Variants in CLVS1 observed in about 807,000 individuals in gnomAD.
CLVS1 encodes clavesin-1.
CLVS1 carries 10 observed loss-of-function variants against 33.1 expected under a neutral mutation model. The ratio of observed to expected loss-of-function variants is 0.30; its 90% confidence interval spans 0.19 to 0.51. CLVS1 has a LOEUF of 0.51. Among genes scored for constraint, CLVS1 ranks in the 20% least tolerant of loss-of-function variants. The pLI is 0.97. For synonymous variants in CLVS1, 163 were observed against 166.1 expected (o/e 0.98, Z 0.14); for missense variants, 343 against 433.4 (o/e 0.79, Z 1.85).
At chr8:61,041,373 T>C in the CLVS1 span, among the ~76,000 whole-genome samples, 1 of 152,136 alleles carries the variant, frequency 6.6e-6, no homozygotes, top group Non-Finnish European at 1.5e-5. Flanking sequence ...AAAAATGGTG[T>C]TAGTATCTTG....
At chr8:61,295,358 T>C (rs1810157318) in intron 1 of CLVS1, among the ~76,000 whole-genome samples, 1 of 152,186 alleles carries the variant, frequency 6.6e-6, no homozygotes, top group African/African-American at 2.4e-5. Context: ...CTTTGATCTG[T>C]CATTTCTGCC....
At chr8:61,372,114 G>A (rs1224362791) in intron 2 of CLVS1, among the ~76,000 whole-genome samples, 1 of 152,132 alleles carries the variant, frequency 6.6e-6, no homozygotes, top group Non-Finnish European at 1.5e-5. Flanking sequence ...CATTTGTCAT[G>A]TTAGTTCATT....
chr8:60,987,864 A>C, the CLVS1 span, among the ~76,000 whole-genome samples: 1 of 152,188 alleles, frequency 6.6e-6, no homozygotes, highest in African/African-American at 2.4e-5. Context: ...CAGGAGTTCA[A>C]GACTACAGTG....
chr8:60,981,095 T>C, the CLVS1 span, among the ~76,000 whole-genome samples: 4 of 152,154 alleles, frequency 2.6e-5, no homozygotes, highest in Non-Finnish European at 5.9e-5. Context: ...GATGCTGATG[T>C]TGAATTTAAG....
intron 5 of CLVS1, among the ~76,000 whole-genome samples, chr8:61,497,010 T>C (rs1257889381): frequency 6.6e-6 from 1 of 152,200 alleles, no homozygotes; most frequent in Non-Finnish European, 1.5e-5. Context: ...TCAATGTAAA[T>C]ACATGTTAAT....
At chr8:61,393,134 G>C (rs1289365177) in intron 3 of CLVS1, among the ~76,000 whole-genome samples, 1 of 151,828 alleles carries the variant, frequency 6.6e-6, no homozygotes, top group Non-Finnish European at 1.5e-5. Flanking sequence ...TGCCCACCTC[G>C]GCCTCCCAAA....
chr8:61,143,918 A>T (rs190444331), intron 2 of CLVS1, among the ~76,000 whole-genome samples: 22 of 149,842 alleles, frequency 1.5e-4, no homozygotes, highest in Non-Finnish European at 3.3e-4. Context: ...GCAAATTAAG[A>T]TGGAGAGATG....
At chr8:61,284,130 A>G (rs1253471290), upstream of CLVS1, among the ~76,000 whole-genome samples, 1 of 152,228 alleles carries the variant, frequency 6.6e-6, no homozygotes, top group Non-Finnish European at 1.5e-5. Context: ...AAAGAAAAAT[A>G]TCTCATGGTC....
the CLVS1 span, among the ~76,000 whole-genome samples, chr8:61,019,930 A>G: frequency 9.2e-5 from 14 of 152,168 alleles, no homozygotes; most frequent in Non-Finnish European, 1.9e-4. Context: ...CTTGCAGCCC[A>G]CTGTCATCTG....
At chr8:61,131,597 T>C (rs2129291268) in intron 1 of CLVS1, among the ~76,000 whole-genome samples, 1 of 152,140 alleles carries the variant, frequency 6.6e-6, no homozygotes, top group African/African-American at 2.4e-5. Context: ...CAAAACTTTG[T>C]TGCTGGCAGA....
intron 2 of CLVS1, among the ~76,000 whole-genome samples, chr8:61,140,068 G>C (rs76049498): frequency 1.6e-3 from 250 of 152,252 alleles, no homozygotes; most frequent in African/African-American, 5.6e-3. Flanking sequence ...AGTCCTTCTA[G>C]AAGGGCGCAT....
chr8:61,498,068 A>G (rs1804329842), intron 5 of CLVS1, among the ~76,000 whole-genome samples: 1 of 152,140 alleles, frequency 6.6e-6, no homozygotes, highest in East Asian at 1.9e-4. Context: ...TCATTCTGTG[A>G]CTAAGAATGC....
chr8:61,031,100 G>T, the CLVS1 span, among the ~76,000 whole-genome samples: 3 of 152,236 alleles, frequency 2.0e-5, no homozygotes, highest in South Asian at 2.1e-4. Flanking sequence ...TGATGGAAAA[G>T]AATTTTGGTG....
chr8:61,480,298 C>T (rs1030590375), intron 5 of CLVS1, among the ~76,000 whole-genome samples: 9 of 152,232 alleles, frequency 5.9e-5, no homozygotes, highest in African/African-American at 2.2e-4. Context: ...ACCCCTCCCC[C>T]AGCCTCGCTG....
chr8:61,395,607 A>C (rs61487835), intron 3 of CLVS1, among the ~76,000 whole-genome samples: 6,913 of 152,058 alleles, frequency 0.045, 326 homozygotes, highest in African/African-American at 0.12. Flanking sequence ...ATAACAAATG[A>C]ATAAAAAATA....
At chr8:61,237,660 C>T (rs1378069972) in intron 2 of CLVS1, among the ~76,000 whole-genome samples, 4 of 152,150 alleles carry the variant, frequency 2.6e-5, no homozygotes, top group South Asian at 4.1e-4. Context: ...GGTCATGGCA[C>T]AGCACACTCT....
intron 3 of CLVS1, among the ~76,000 whole-genome samples, chr8:61,411,355 G>T (rs1351700556): frequency 6.6e-6 from 1 of 152,188 alleles, no homozygotes; most frequent in East Asian, 1.9e-4. Context: ...GCCCCTGACA[G>T]CTAGAGAAAT....
chr8:61,445,142 A>G (rs1396733842), intron 3 of CLVS1, among the ~76,000 whole-genome samples: 1 of 152,220 alleles, frequency 6.6e-6, no homozygotes, highest in Non-Finnish European at 1.5e-5. Context: ...AATAAACTCA[A>G]TTTGATCATA....
the CLVS1 span, chr8:60,965,993 G>T: frequency 3.5e-5 from 6 of 172,592 alleles, no homozygotes; most frequent in Admixed American, 1.2e-4. Flanking sequence ...TGTATTTTTA[G>T]TAGAGATGGG....
Sources: allele counts gnomAD v4.1 joint callset (sites outside exome capture counted in the v4.1 genomes callset), GRCh38; gene constraint gnomAD v4.1.1; transcripts MANE v1.5; gene names NCBI Gene and HGNC (gene_info 2026-07-23, HGNC 2026-07-21).